LLGL2: variants seen among roughly 807,000 people sequenced by gnomAD.
LLGL2 encodes LLGL scribble cell polarity complex component 2.
Under a neutral mutation model 123.2 loss-of-function variants are expected in LLGL2, and 81 were observed. The observed-to-expected ratio is 0.66, with a 90% CI of 0.55 to 0.79. The LOEUF is 0.79. Among genes scored for constraint, LLGL2 ranks in the 30% least tolerant of loss-of-function variants. LLGL2 has a pLI of 0.00. For missense variants in LLGL2, 1,273 were observed against 1,414.6 expected, an observed-to-expected ratio of 0.90 and a Z score of 1.61; for synonymous variants, 577 against 594.1, an observed-to-expected ratio of 0.97 and a Z score of 0.42.
intron 10 of LLGL2, among the ~76,000 whole-genome samples, chr17:75,567,631 T>A: frequency 7.3e-6 from 1 of 136,758 alleles, no homozygotes; most frequent in African/African-American, 2.8e-5. Context: ...AGAGCAAGAC[T>A]CCATCTCAAA....
chr17:75,569,843 G>A, intron 14 of LLGL2, 120 bp from the exon 15 acceptor site: 2 of 1,027,158 alleles, frequency 1.9e-6, no homozygotes, highest in Non-Finnish European at 2.8e-6. Context: ...GGGTTGGACA[G>A]AGGCCTTTGT....
At position 75,572,073 on chromosome 17, in the gene LLGL2, C is replaced by T. The variant is rs917259649; in HGVS notation, c.2460+9C>T. ...CAGAGGAGCAGTTCAAGGTGCCACA[C>T]GGGCAGCGGCGGGTCTCCCTGGGAC... On this transcript the variant is annotated intron_variant, in intron 19 of 25. Coordinates refer to ENST00000392550, the MANE Select transcript of LLGL2 (RefSeq NM_001031803.2). 8.1e-6 allele frequency: 13 copies of T among 1,604,806 alleles called. No homozygotes were observed. Among genetic ancestry groups the T allele is most frequent in the East Asian group, 4.5e-5 (2 of 44,770 alleles).
chr17:75,542,093 C>A lies in LLGL2; in HGVS notation c.-30-1304C>A, dbSNP rs1438339080. 3.3e-5 allele frequency among the ~76,000 whole-genome samples: 5 copies of A among 152,024 alleles called. No individual in the cohort carries two copies. The East Asian group carries it at 7.7e-4, about 23-fold the overall frequency. On this transcript the variant is annotated intron_variant, in intron 1 of 25. Coordinates refer to ENST00000392550, the MANE Select transcript of LLGL2 (RefSeq NM_001031803.2). ...CCCTCGGTTCCTCTGCCCGAAGACA[C>A]CCCCAACTCTGCCACGCACGTTACC...
At chr17:75,531,239 C>T (rs774122799) in intron 1 of LLGL2, among the ~76,000 whole-genome samples, 6 of 152,174 alleles carry the variant, frequency 3.9e-5, no homozygotes, top group African/African-American at 9.7e-5. Flanking sequence ...CTTTGGAAGA[C>T]GAAGTGCTGC....
chr17:75,531,106 A>C (rs896241224), intron 1 of LLGL2, among the ~76,000 whole-genome samples: 4 of 152,056 alleles, frequency 2.6e-5, no homozygotes, highest in Non-Finnish European at 5.9e-5. Flanking sequence ...GGCAGAGAGC[A>C]CAGGCCTGTG....
At chr17:75,543,844 G>A (rs1051998798) in intron 2 of LLGL2, among the ~76,000 whole-genome samples, 1 of 152,122 alleles carries the variant, frequency 6.6e-6, no homozygotes, top group African/African-American at 2.4e-5. Flanking sequence ...AGGAGGTTTA[G>A]GGACGTGGGA....
At chr17:75,542,246 C>G (rs1340667688) in intron 1 of LLGL2, among the ~76,000 whole-genome samples, 2 of 151,978 alleles carry the variant, frequency 1.3e-5, no homozygotes. Flanking sequence ...ACCTTCTTCT[C>G]GAAGGTATCT....
At chr17:75,538,771 T>C (rs997813742) in intron 1 of LLGL2, 1 of 152,154 alleles carries the variant, frequency 6.6e-6, no homozygotes, top group Admixed American at 6.6e-5. Flanking sequence ...CGTGAAGGTA[T>C]CTGGAGGAAA....
At chr17:75,572,922 A>G in intron 19 of LLGL2, 92 bp from the exon 20 acceptor site, 1 of 1,440,002 alleles carries the variant, frequency 6.9e-7, no homozygotes, top group Admixed American at 2.0e-5. Context: ...GGACACCGGG[A>G]GGCATGTGGG....
In LLGL2 at chr17:75,558,403, C is replaced by G; in HGVS notation, c.256-109C>G. 1.7e-6 allele frequency: 2 copies of G among 1,171,452 alleles called. No homozygotes were observed. Among genetic ancestry groups the G allele is most frequent in the South Asian group, 2.9e-5 (2 of 69,498 alleles). 72.6% of individuals were successfully genotyped at this position (1,171,452 alleles called of 1,614,324 possible). On this transcript the variant is annotated intron_variant, in intron 4 of 25. Coordinates refer to ENST00000392550, the MANE Select transcript of LLGL2 (RefSeq NM_001031803.2). The surrounding 1 kb of genome is among the most constrained non-coding windows in gnomAD (Gnocchi z 4.0). ...CCACAGCTGGGGCTCATGGGCCACC[C>G]TGGGAGTGGCCAGGGGGTCTTTTAA...
chr17:75,572,218 C>T (rs780266104), intron 19 of LLGL2, among the ~76,000 whole-genome samples, 154 bp downstream of exon 19: 60 of 152,224 alleles, frequency 3.9e-4, no homozygotes, highest in African/African-American at 1.4e-3. Flanking sequence ...GGGGGAGTCT[C>T]GTGTGAGGAC....
At chr17:75,537,104 T>C (rs1430900663) in intron 1 of LLGL2, among the ~76,000 whole-genome samples, 1 of 152,196 alleles carries the variant, frequency 6.6e-6, no homozygotes, top group African/African-American at 2.4e-5. Flanking sequence ...ATTACAGACG[T>C]GAGCCACAGC....
Position 75,573,781 on chromosome 17 carries a change from G to A in LLGL2, c.2876+150G>A, listed in dbSNP as rs973570634. 5.3e-5 allele frequency: 64 copies of A among 1,209,458 alleles called. 1 individual carries two copies. Among genetic ancestry groups the A allele is most frequent in the Admixed American group, 2.3e-5 (1 of 44,142 alleles). 74.9% of individuals were successfully genotyped at this position (1,209,458 alleles called of 1,614,324 possible). On this transcript the variant is annotated intron_variant, in intron 21 of 25. Transcript: ENST00000392550. ...GCTCCGGCTCTCCTTGCCTCTTTGC[G>A]TGCCCCTTGCCCCTGTGCAAGCTGG...
At chr17:75,528,362 C>CT (rs1450919782) in intron 1 of LLGL2, among the ~76,000 whole-genome samples, 1 of 152,048 alleles carries the variant, frequency 6.6e-6, no homozygotes, top group African/African-American at 2.4e-5. Flanking sequence ...TGATCTGCCC[C>CT]TCTCAGCCTC....
In LLGL2 at chr17:75,564,402, G is replaced by T. The variant is rs1432491921; in HGVS notation, c.931G>T (p.Asp311Tyr). Residue 311 changes from aspartate (D) to tyrosine (Y), a missense_variant, in exon 10 of 26, where the codon GAC becomes TAC. Coordinates refer to ENST00000392550, the MANE Select transcript of LLGL2 (RefSeq NM_001031803.2). This position sits in a 1 kb window ranked among gnomAD's most constrained non-coding sequence, Gnocchi z 4.9. ...QGGMPRASYG[D>Y]RHCISVIHDG... ...TGGCATGCCACGGGCCAGCTACGGG[G>T]ACCGCCACTGCATCTCAGTGATCCA... 1 of 1,613,032 alleles carries T rather than the reference G, an allele frequency of 6.2e-7. No homozygotes were observed. Among genetic ancestry groups the T allele is most frequent in the Non-Finnish European group, 8.5e-7 (1 of 1,179,960 alleles).
chr17:75,556,541 G>A (rs745656145), intron 3 of LLGL2, among the ~76,000 whole-genome samples: 2 of 152,148 alleles, frequency 1.3e-5, no homozygotes, highest in South Asian at 2.1e-4. Context: ...GAGGCTGCTG[G>A]GGGGCTCAGA....
rs751656735 is a variant in LLGL2 at position 75,568,848 on chromosome 17, C to G, written c.1322+9C>G. The G allele has an allele frequency of 6.4e-7, 1 of 1,572,318 alleles. No homozygotes were observed. The highest frequency in any genetic ancestry group is 8.6e-7 in the Non-Finnish European group (1 of 1,156,788). ...GACCTGCTGCTCACAGGGTAGGGTA[C>G]TTTGATGCTACCCCACCTCTTCCCA... On this transcript the variant is annotated intron_variant, in intron 12 of 25. Transcript: ENST00000392550.
At chr17:75,569,466 G>A in intron 14 of LLGL2, 141 bp downstream of exon 14, 1 of 711,338 alleles carries the variant, frequency 1.4e-6, no homozygotes. Flanking sequence ...TGATCCCCTT[G>A]GCGGGAGGTC....
chr17:75,543,849 G>A (rs1025152230), intron 2 of LLGL2, among the ~76,000 whole-genome samples: 1 of 152,162 alleles, frequency 6.6e-6, no homozygotes, highest in African/African-American at 2.4e-5. Context: ...GTTTAGGGAC[G>A]TGGGAGATGA....
Sources: gnomAD v4.1 joint callset for allele counts (sites outside exome capture counted in the v4.1 genomes callset) on GRCh38, gnomAD v4.1.1 for gene constraint, Gnocchi (gnomAD v3.1) non-coding constraint, MANE v1.5 for transcripts, NCBI Gene and HGNC (gene_info 2026-07-23, HGNC 2026-07-21) for gene names.